SEL1L3: variants seen among roughly 807,000 people sequenced by gnomAD.
SEL1L3 encodes protein sel-1 homolog 3.
Under a neutral mutation model 142.8 loss-of-function variants are expected in SEL1L3, and 76 were observed. The ratio of observed to expected loss-of-function variants is 0.53; its 90% confidence interval spans 0.44 to 0.64. SEL1L3 has a LOEUF of 0.64. Among genes scored for constraint, SEL1L3 ranks in the 30% least tolerant of loss-of-function variants. The pLI is 0.00. For missense variants in SEL1L3, 1,262 were observed against 1,381.7 expected, an observed-to-expected ratio of 0.91 and a Z score of 1.37; for synonymous variants, 504 against 519.6, an observed-to-expected ratio of 0.97 and a Z score of 0.41.
intron 17 of SEL1L3, chr4:25,773,620 T>G (rs1719392873): frequency 6.6e-6 from 1 of 152,192 alleles, no homozygotes. Context: ...GGCTCTGTCA[T>G]GTAACTACGC....
intron 15 of SEL1L3, among the ~76,000 whole-genome samples, chr4:25,780,369 G>T (rs967271895): frequency 6.6e-6 from 1 of 152,016 alleles, no homozygotes; most frequent in Non-Finnish European, 1.5e-5. Context: ...ACAGCCCATC[G>T]TTGCCCCATT....
chr4:25,830,515 G>C (rs1449501525), intron 5 of SEL1L3, among the ~76,000 whole-genome samples: 1 of 152,146 alleles, frequency 6.6e-6, no homozygotes, highest in Non-Finnish European at 1.5e-5. Flanking sequence ...ATCTTGCTCT[G>C]ATTCCATCAG....
intron 11 of SEL1L3, among the ~76,000 whole-genome samples, chr4:25,793,552 T>G (rs1317565377): frequency 6.9e-6 from 1 of 144,492 alleles, no homozygotes; most frequent in Non-Finnish European, 1.5e-5. Flanking sequence ...TGTCCTAACC[T>G]GGCCTGCCCC....
rs1717808340 is a variant in SEL1L3 at position 25,862,664 on chromosome 4, C to T, written c.162+11G>A. On this transcript the variant is annotated intron_variant, in intron 1 of 23. Transcript: ENST00000399878. ...GCGGAGGGGAAGACCCGGGCAGGGTCCGGCGCTCACCAGGTAGCAGAGCAG... is the reference window on the plus strand; with the variant it reads ...GCGGAGGGGAAGACCCGGGCAGGGTTCGGCGCTCACCAGGTAGCAGAGCAG... 1.9e-5 allele frequency: 24 copies of T among 1,273,302 alleles called. No individual in the cohort carries two copies. The highest frequency in any genetic ancestry group is 2.5e-5 in the South Asian group (1 of 40,618). The allele number at this position is 1,273,302 out of a possible 1,614,324, so 78.9% of individuals were successfully genotyped here. A position where few individuals can be genotyped will look rare whatever the true frequency, so the allele number is the denominator to read the frequency against.
At chr4:25,820,374 AG>A (rs1301206157) in intron 7 of SEL1L3, among the ~76,000 whole-genome samples, 2 of 152,180 alleles carry the variant, frequency 1.3e-5, no homozygotes, top group Non-Finnish European at 2.9e-5. Context: ...GCTTCAGGAC[AG>A]GCCCCCCTAG....
At chr4:25,811,904 G>A (rs1454313109) in intron 9 of SEL1L3, among the ~76,000 whole-genome samples, 1 of 152,164 alleles carries the variant, frequency 6.6e-6, no homozygotes, top group Admixed American at 6.5e-5. Context: ...TAATGTCTAC[G>A]ACAGAACTTA....
intron 11 of SEL1L3, among the ~76,000 whole-genome samples, chr4:25,799,417 G>GGTCT (rs1713025267): frequency 1.3e-5 from 2 of 152,146 alleles, no homozygotes; most frequent in African/African-American, 4.8e-5. Context: ...CTGGATTAGA[G>GGTCT]GTCTACCTTA....
At chr4:25,767,660 G>A in intron 18 of SEL1L3, 51 bp from the exon 19 acceptor site, 6 of 1,477,970 alleles carry the variant, frequency 4.1e-6, no homozygotes, top group Non-Finnish European at 5.6e-6. Context: ...TCGGCCAAGT[G>A]ACCAACGTTG....
At chr4:25,743,324 C>T (rs1717171693), downstream of SEL1L3, among the ~76,000 whole-genome samples, 1 of 152,120 alleles carries the variant, frequency 6.6e-6, no homozygotes, top group East Asian at 1.9e-4. Context: ...TAAGAATGTC[C>T]AAAGTGGAGG....
At chr4:25,744,687 G>C (rs1337062416), downstream of SEL1L3, among the ~76,000 whole-genome samples, 1 of 152,104 alleles carries the variant, frequency 6.6e-6, no homozygotes, top group Non-Finnish European at 1.5e-5. Flanking sequence ...TAGAGGCCAG[G>C]GGTACTGTTT....
rs778840380 is a variant in SEL1L3 at position 25,830,115 on chromosome 4, G to GTA, written c.1138_1139dup (p.His381ThrfsTer39). 12 of 1,611,008 alleles carry GTA rather than the reference G, an allele frequency of 7.4e-6. No individual in the cohort carries two copies. Among genetic ancestry groups the GTA allele is most frequent in the Non-Finnish European group, 9.3e-6 (11 of 1,177,446 alleles). ...GCACTTACCTAATGGTCTGATTGTG[G>GTA]TAGCTTTTCAAATCCTGTCCAATGC... On this transcript the variant is annotated frameshift_variant, in exon 6 of 24. Coordinates refer to ENST00000399878, the MANE Select transcript of SEL1L3 (RefSeq NM_015187.5). LOFTEE classifies it high-confidence loss of function.
chr4:25,729,484 C>T, the SEL1L3 span, among the ~76,000 whole-genome samples: 1 of 152,126 alleles, frequency 6.6e-6, no homozygotes, highest in Non-Finnish European at 1.5e-5. Context: ...GAGGCTGAGG[C>T]GGGCAGATCA....
At chr4:25,732,901 A>G in the SEL1L3 span, among the ~76,000 whole-genome samples, 2 of 152,090 alleles carry the variant, frequency 1.3e-5, no homozygotes, top group South Asian at 2.1e-4. Context: ...GCACACCACC[A>G]AGCCAGGCTA....
chr4:25,858,571 G>T (rs569208640), intron 1 of SEL1L3, among the ~76,000 whole-genome samples: 27 of 150,994 alleles, frequency 1.8e-4, no homozygotes, highest in Middle Eastern at 3.4e-3. Flanking sequence ...TGTTTTTTTT[G>T]ATTTTTTTGT....
the SEL1L3 span, among the ~76,000 whole-genome samples, chr4:25,733,497 T>C: frequency 6.6e-6 from 1 of 151,082 alleles, no homozygotes; most frequent in Non-Finnish European, 1.5e-5. Flanking sequence ...GTAGTTGTTA[T>C]AGTATTTTTT....
At position 25,757,684 on chromosome 4, in the gene SEL1L3, C is replaced by G. The variant is rs1174668773; in HGVS notation, c.3186+4G>C. ...GGGTGGGGCCGGTGGGACATGAAAC[C>G]TACCAGGGCTGAGTGCAGGATAGCA... On this transcript the variant is annotated splice_donor_region_variant and intron_variant, in intron 22 of 23. Coordinates refer to ENST00000399878, the MANE Select transcript of SEL1L3 (RefSeq NM_015187.5). The G allele has an allele frequency of 6.3e-7, 1 of 1,583,706 alleles. No individual in the cohort carries two copies. The highest frequency in any genetic ancestry group is 2.3e-5 in the East Asian group (1 of 43,276).
At chr4:25,754,114 C>T (rs1032536851) in intron 23 of SEL1L3, among the ~76,000 whole-genome samples, 1 of 151,748 alleles carries the variant, frequency 6.6e-6, no homozygotes, top group African/African-American at 2.4e-5. Context: ...ACCAGCCTGA[C>T]CAACACAGAG....
Position 25,839,635 on chromosome 4 carries a change from G to A in SEL1L3, c.734-4312C>T, listed in dbSNP as rs144608570. Among the ~76,000 whole-genome samples the A allele has an allele frequency of 2.9e-3, 442 of 152,308 alleles. 2 individuals are homozygous for A. The highest frequency in any genetic ancestry group is 9.0e-3 in the African/African-American group (372 of 41,562). The stretch of plus-strand genomic sequence containing the variant: ...ACACAACTTAACGCTTGTATGTGCA[G>A]AGAACATTTCTAGAAGGAAACACAA... On this transcript the variant is annotated intron_variant, in intron 2 of 23. Coordinates refer to ENST00000399878, the MANE Select transcript of SEL1L3 (RefSeq NM_015187.5).
intron 20 of SEL1L3, among the ~76,000 whole-genome samples, chr4:25,762,092 G>A (rs1577565747): frequency 6.6e-6 from 1 of 152,148 alleles, no homozygotes. Context: ...GGGACTACTG[G>A]TTTGCACCAC....
Sources: gnomAD v4.1 joint callset for allele counts (sites outside exome capture counted in the v4.1 genomes callset) on GRCh38, gnomAD v4.1.1 for gene constraint, MANE v1.5 for transcripts, NCBI Gene and HGNC (gene_info 2026-07-23, HGNC 2026-07-21) for gene names.